The following ACSBG2 variants were observed in gnomAD, a reference collection of about 807,000 sequenced individuals.
The protein encoded by ACSBG2 is acyl-CoA synthetase bubblegum family member 2.
ACSBG2 carries 62 observed loss-of-function variants against 74.7 expected under a neutral mutation model. The observed-to-expected ratio is 0.83, with a 90% CI of 0.68 to 1.03. The LOEUF (loss-of-function observed/expected upper bound fraction) is 1.03. ACSBG2 is among the 50% of genes least tolerant of loss of function. The pLI is 0.00. For synonymous variants in ACSBG2, 309 were observed against 294.1 expected (o/e 1.05, Z -0.52); for missense variants, 730 against 817.6 (o/e 0.89, Z 1.31).
intron 11 of ACSBG2, 34 bp from the exon 12 acceptor site, chr19:6,187,249 G>A (rs371865047): frequency 2.5e-6 from 4 of 1,613,076 alleles, no homozygotes; most frequent in Non-Finnish European, 3.4e-6. Flanking sequence ...ACGTTGTCAT[G>A]GCTGGACATG....
chr19:6,155,808 A>G (rs893409542), intron 4 of ACSBG2, among the ~76,000 whole-genome samples: 1 of 148,082 alleles, frequency 6.8e-6, no homozygotes, highest in African/African-American at 2.6e-5. Context: ...AAAAAAAAAA[A>G]TGGTGAACAG....
At chr19:6,178,042 TA>T (rs1319605092) in intron 8 of ACSBG2, among the ~76,000 whole-genome samples, 1 of 152,146 alleles carries the variant, frequency 6.6e-6, no homozygotes, top group African/African-American at 2.4e-5. Flanking sequence ...GGATTATGCA[TA>T]TATTTGTAGA....
intron 10 of ACSBG2, among the ~76,000 whole-genome samples, chr19:6,184,172 T>C (rs2090335332): frequency 6.6e-6 from 1 of 152,220 alleles, no homozygotes; most frequent in African/African-American, 2.4e-5. Context: ...GTTTTAAAAA[T>C]TAGATTATTG....
chr19:6,166,262 C>T (rs1344666226), intron 7 of ACSBG2, among the ~76,000 whole-genome samples: 1 of 136,168 alleles, frequency 7.3e-6, no homozygotes, highest in Non-Finnish European at 1.5e-5. Context: ...AATGATTCCT[C>T]TGTGTGAGTC....
Position 6,153,195 on chromosome 19 carries a change from G to A in ACSBG2, c.386+1400G>A, listed in dbSNP as rs574679341. 3.3e-5 allele frequency among the ~76,000 whole-genome samples: 5 copies of A among 152,180 alleles called. 1 individual carries two copies. The highest frequency in any genetic ancestry group is 7.2e-5 in the African/African-American group (3 of 41,534). ...CAGGAGGCCGAGCCTGCAGTGAGCC[G>A]AGATCGCGCCACTGCACTCCAGCCT... is the stretch of plus-strand genomic sequence containing the variant. On this transcript the variant is annotated intron_variant, in intron 4 of 14. Transcript: ENST00000588485.
At position 6,135,892 on chromosome 19, in the gene ACSBG2, C is replaced by G. The variant is rs1275019577; in HGVS notation, c.-49C>G. Reference sequence around the variant, plus strand: ...GCCTTGCCAGATGGCCAGAACCACACCTCTTGAAGAGTGACAGGTGCCAGT... The same window carrying G: ...GCCTTGCCAGATGGCCAGAACCACAGCTCTTGAAGAGTGACAGGTGCCAGT... On this transcript the variant is annotated 5_prime_UTR_variant, in exon 1 of 15. Coordinates refer to ENST00000588485, the MANE Select transcript of ACSBG2 (RefSeq NM_030924.5). The G allele has an allele frequency of 6.6e-6, 1 of 152,392 alleles. No homozygotes were observed. The highest frequency in any genetic ancestry group is 2.4e-5 in the African/African-American group (1 of 41,448). 9.4% of individuals were successfully genotyped at this position (152,392 alleles called of 1,614,324 possible). A position where few individuals can be genotyped will look rare whatever the true frequency, so the allele number is the denominator to read the frequency against.
At chr19:6,148,651 A>G (rs200518271) in intron 3 of ACSBG2, among the ~76,000 whole-genome samples, 1 of 27,256 alleles carries the variant, frequency 3.7e-5, no homozygotes, top group Admixed American at 6.4e-4. Context: ...CATAAAGAAA[A>G]AAAAAAAAAA....
intron 1 of ACSBG2, among the ~76,000 whole-genome samples, chr19:6,139,963 C>T (rs935484174): frequency 6.6e-6 from 1 of 152,106 alleles, no homozygotes; most frequent in African/African-American, 2.4e-5. Context: ...GTGGCTCACG[C>T]CTGTCATCCC....
rs200499341 is a variant in ACSBG2 at position 6,143,385 on chromosome 19, A to AAAAAAC, written c.67+1803_67+1808dup. On this transcript the variant is annotated intron_variant, in intron 2 of 14. Coordinates refer to ENST00000588485, the MANE Select transcript of ACSBG2 (RefSeq NM_030924.5). ...GGCAACAGAGTGAGACTCTGTCTCA[A>AAAAAAC]AAAAACAAAAACAAAAACAAAAACA... Among the ~76,000 whole-genome samples, 167 of 151,136 alleles carry AAAAAAC rather than the reference A, an allele frequency of 1.1e-3. 2 individuals carry two copies. The highest frequency in any genetic ancestry group is 2.3e-3 in the African/African-American group (96 of 41,178).
intron 1 of ACSBG2, among the ~76,000 whole-genome samples, chr19:6,140,543 G>T (rs1170396115): frequency 2.6e-5 from 4 of 152,074 alleles, no homozygotes; most frequent in Non-Finnish European, 1.5e-5. Flanking sequence ...AAAATTAGCT[G>T]GGTACGGTGG....
intron 7 of ACSBG2, chr19:6,175,402 A>G (rs1265968624): frequency 6.6e-6 from 1 of 152,244 alleles, no homozygotes; most frequent in East Asian, 1.9e-4. Flanking sequence ...GAAATGAACA[A>G]ATGAAAACAT....
chr19:6,164,839 G>T (rs2089744938), intron 6 of ACSBG2, among the ~76,000 whole-genome samples: 1 of 152,192 alleles, frequency 6.6e-6, no homozygotes, highest in Non-Finnish European at 1.5e-5. Context: ...TACAACCCAA[G>T]AGTTCACTTT....
chr19:6,158,442 T>A (rs1184961150), intron 5 of ACSBG2, among the ~76,000 whole-genome samples: 1 of 135,980 alleles, frequency 7.4e-6, no homozygotes, highest in Non-Finnish European at 1.5e-5. Flanking sequence ...TGTCTTACGT[T>A]TTTTTTTTTT....
chr19:6,166,049 C>A, intron 7 of ACSBG2, 34 bp downstream of exon 7: 1 of 1,610,824 alleles, frequency 6.2e-7, no homozygotes, highest in Non-Finnish European at 8.5e-7. Context: ...GGAGTGGTGG[C>A]CTTTGGGCTG....
At chr19:6,155,650 T>C (rs2089392213) in intron 4 of ACSBG2, among the ~76,000 whole-genome samples, 1 of 151,518 alleles carries the variant, frequency 6.6e-6, no homozygotes, top group African/African-American at 2.4e-5. Flanking sequence ...ATTAGCCAGG[T>C]GTGGTGGTGC....
chr19:6,187,221 T>A, intron 11 of ACSBG2, 62 bp from the exon 12 acceptor site: 1 of 1,605,202 alleles, frequency 6.2e-7, no homozygotes, highest in Non-Finnish European at 8.5e-7. Context: ...GCCAGGCTGG[T>A]CTCAAACTGG....
At chr19:6,178,025 C>T (rs2090137027) in intron 8 of ACSBG2, among the ~76,000 whole-genome samples, 1 of 152,088 alleles carries the variant, frequency 6.6e-6, no homozygotes, top group Non-Finnish European at 1.5e-5. Context: ...TTTTATTCCA[C>T]TTACTGGGAT....
At chr19:6,166,135 G>T in intron 7 of ACSBG2, 120 bp downstream of exon 7, 4 of 1,279,212 alleles carry the variant, frequency 3.1e-6, no homozygotes, top group Non-Finnish European at 4.3e-6. Context: ...ACCATTGGGG[G>T]TTAGAGAGTA....
chr19:6,164,434 CTTTTTTT>C (rs542313082), intron 6 of ACSBG2, among the ~76,000 whole-genome samples: 4 of 133,876 alleles, frequency 3.0e-5, no homozygotes, highest in African/African-American at 1.1e-4. Flanking sequence ...TTTGAGGGGC[CTTTTTTT>C]TTTTTTTTTG....
Sources: gnomAD v4.1 joint callset for allele counts (sites outside exome capture counted in the v4.1 genomes callset) on GRCh38, gnomAD v4.1.1 for gene constraint, MANE v1.5 for transcripts, NCBI Gene and HGNC (gene_info 2026-07-23, HGNC 2026-07-21) for gene names.